The following CNTN1 variants were observed in gnomAD, a reference collection of about 807,000 sequenced individuals.
CNTN1 encodes the protein contactin-1.
CNTN1 carries 38 observed loss-of-function variants against 126.4 expected under a neutral mutation model. That is an observed-to-expected ratio of 0.30 (90% confidence interval 0.23 to 0.39). The LOEUF is 0.39. CNTN1 is among the 10% of genes least tolerant of loss of function. The pLI, the probability that CNTN1 is intolerant of heterozygous loss-of-function variation, is 1.00. For synonymous variants in CNTN1, 413 were observed against 422.6 expected, an observed-to-expected ratio of 0.98 and a Z score of 0.28; for missense variants, 1,009 against 1,248.4, an observed-to-expected ratio of 0.81 and a Z score of 2.89.
At chr12:40,699,758 T>TAA (rs111410321) in intron 1 of CNTN1, among the ~76,000 whole-genome samples, 29,138 of 146,272 alleles carry the variant, frequency 0.2, 2,908 homozygotes, top group Middle Eastern at 0.27. Context: ...CATTTACAGA[T>TAA]AAAAAAAAAA....
chr12:40,910,943 T>C lies in CNTN1; in HGVS notation c.94+838T>C, dbSNP rs189079916. 5.6e-4 allele frequency among the ~76,000 whole-genome samples: 86 copies of C among 152,294 alleles called. 1 individual carries two copies. The highest frequency in any genetic ancestry group is 1.5e-3 in the African/African-American group (64 of 41,558). ...TGCATGCCAAATCAAGGTTACCCAT[T>C]GTATTAGTCTGTTTTCACGCTGTTG... On this transcript the variant is annotated intron_variant, in intron 3 of 23. Coordinates refer to ENST00000551295, the MANE Select transcript of CNTN1 (RefSeq NM_001843.4).
chr12:40,759,847 C>T (rs1437479335), intron 1 of CNTN1, among the ~76,000 whole-genome samples: 1 of 150,604 alleles, frequency 6.6e-6, no homozygotes, highest in Non-Finnish European at 1.5e-5. Flanking sequence ...TATCTTGGCA[C>T]CTACAACAGG....
At chr12:40,971,285 G>A (rs913397048) in intron 15 of CNTN1, 115 of 628,684 alleles carry the variant, frequency 1.8e-4, no homozygotes, top group African/African-American at 1.6e-3. Flanking sequence ...TTGGCCCCCC[G>A]TCCTCAGTGT....
intron 1 of CNTN1, among the ~76,000 whole-genome samples, chr12:40,853,832 C>T (rs1410240882): frequency 6.6e-6 from 1 of 151,480 alleles, no homozygotes; most frequent in Non-Finnish European, 1.5e-5. Flanking sequence ...TTAAACAGCT[C>T]TGATCATATC....
chr12:40,936,909 T>A lies in CNTN1; in HGVS notation c.1110+4T>A. On this transcript the variant is annotated splice_donor_region_variant and intron_variant, in intron 10 of 23. Transcript: ENST00000551295. ...ATGGTTGAAAAATGGATATGCGGTA[T>A]GTATGTTCAAGTGCTTTGCTGTTCC... 1 of 1,612,716 alleles carries A rather than the reference T, an allele frequency of 6.2e-7. No homozygotes were observed. Among genetic ancestry groups the A allele is most frequent in the South Asian group, 1.1e-5 (1 of 91,060 alleles).
intron 1 of CNTN1, among the ~76,000 whole-genome samples, chr12:40,796,134 A>G (rs1940416955): frequency 6.6e-6 from 1 of 152,102 alleles, no homozygotes; most frequent in Non-Finnish European, 1.5e-5. Context: ...AGAAAAACAT[A>G]GGTAGCTATA....
At chr12:41,020,545 C>T in intron 20 of CNTN1, 105 bp downstream of exon 20, 1 of 730,454 alleles carries the variant, frequency 1.4e-6, no homozygotes, top group Non-Finnish European at 2.4e-6. Flanking sequence ...TATGTGGCAA[C>T]TAATACTTTA....
intron 1 of CNTN1, among the ~76,000 whole-genome samples, chr12:40,848,829 T>G (rs1269466205): frequency 2.0e-5 from 3 of 151,024 alleles, no homozygotes; most frequent in South Asian, 2.1e-4. Flanking sequence ...AGGTGTGTTT[T>G]TTTTTTTTTT....
chr12:40,994,856 T>C (rs914022734), intron 17 of CNTN1, among the ~76,000 whole-genome samples: 6 of 152,096 alleles, frequency 3.9e-5, no homozygotes, highest in Non-Finnish European at 7.4e-5. Flanking sequence ...TTCATATAAA[T>C]AGATGTGTTT....
intron 1 of CNTN1, among the ~76,000 whole-genome samples, chr12:40,901,397 TTAGACA>T (rs1944604619): frequency 6.6e-6 from 1 of 152,182 alleles, no homozygotes; most frequent in Non-Finnish European, 1.5e-5. Context: ...CACTTGTTAA[TTAGACA>T]GATTCCTGAG....
chr12:40,853,044 A>C (rs1189573592), intron 1 of CNTN1, among the ~76,000 whole-genome samples: 2 of 152,132 alleles, frequency 1.3e-5, no homozygotes, highest in African/African-American at 4.8e-5. Flanking sequence ...CTTCAAACTT[A>C]CTTATATTCC....
chr12:40,922,172 C>T, intron 4 of CNTN1, 84 bp from the exon 5 acceptor site: 1 of 1,202,444 alleles, frequency 8.3e-7, no homozygotes, highest in Non-Finnish European at 1.2e-6. Flanking sequence ...GAGCCGTACC[C>T]AAATTATTTT....
chr12:40,949,775 C>T (rs1946597667), intron 14 of CNTN1, among the ~76,000 whole-genome samples: 2 of 151,316 alleles, frequency 1.3e-5, no homozygotes, highest in Non-Finnish European at 2.9e-5. Flanking sequence ...GGGGTTTCAC[C>T]ATCTTGGCCA....
At chr12:40,764,940 G>A (rs1451864485) in intron 1 of CNTN1, among the ~76,000 whole-genome samples, 1 of 152,028 alleles carries the variant, frequency 6.6e-6, no homozygotes, top group African/African-American at 2.4e-5. Flanking sequence ...TTTCCATTGA[G>A]ATTAGAGAAC....
intron 1 of CNTN1, among the ~76,000 whole-genome samples, chr12:40,725,697 A>G (rs1942334499): frequency 6.6e-6 from 1 of 152,190 alleles, no homozygotes. Context: ...GAGTCTCACC[A>G]TAACATCCTT....
chr12:40,923,083 A>C (rs1378299365), intron 5 of CNTN1, among the ~76,000 whole-genome samples: 1 of 151,988 alleles, frequency 6.6e-6, no homozygotes, highest in East Asian at 1.9e-4. Flanking sequence ...AAAATGTCAC[A>C]TATTGCAACA....
At chr12:40,895,300 A>G (rs1007088504) in intron 1 of CNTN1, among the ~76,000 whole-genome samples, 3 of 152,228 alleles carry the variant, frequency 2.0e-5, no homozygotes, top group African/African-American at 7.2e-5. Flanking sequence ...AATGCATGGA[A>G]GTATCCTCAG....
At chr12:40,855,335 C>A (rs1481496772) in intron 1 of CNTN1, among the ~76,000 whole-genome samples, 1 of 151,910 alleles carries the variant, frequency 6.6e-6, no homozygotes, top group Non-Finnish European at 1.5e-5. Context: ...TTGTATTACT[C>A]TTAATAGTAT....
At chr12:40,932,013 G>A (rs1945903522) in intron 7 of CNTN1, among the ~76,000 whole-genome samples, 1 of 151,742 alleles carries the variant, frequency 6.6e-6, no homozygotes, top group Non-Finnish European at 1.5e-5. Flanking sequence ...AGCCTTTTTG[G>A]ACCTCTGAGA....
Sources: gnomAD v4.1 joint callset for allele counts (sites outside exome capture counted in the v4.1 genomes callset) on GRCh38, gnomAD v4.1.1 for gene constraint, MANE v1.5 for transcripts, NCBI Gene and HGNC (gene_info 2026-07-23, HGNC 2026-07-21) for gene names.